NALCN: variants seen among roughly 807,000 people sequenced by gnomAD.
NALCN encodes the protein sodium leak channel NALCN.
A neutral mutation model predicts 225.3 loss-of-function variants in NALCN; 111 were observed. The ratio of observed to expected loss-of-function variants is 0.49; its 90% CI spans 0.42 to 0.58. The LOEUF (loss-of-function observed/expected upper bound fraction) is 0.58. NALCN is among the 20% of genes least tolerant of loss of function. The probability of loss-of-function intolerance (pLI) is 0.00; values close to 1 mark genes in which losing one functional copy is unlikely to be tolerated. For synonymous variants in NALCN, 764 were observed against 769.0 expected (o/e 0.99, Z 0.11); for missense variants, 1,378 against 2,202.4 (o/e 0.63, Z 7.49).
intron 15 of NALCN, among the ~76,000 whole-genome samples, chr13:101,162,590 A>T (rs575063202): frequency 6.6e-6 from 1 of 152,310 alleles, no homozygotes; most frequent in African/African-American, 2.4e-5. Context: ...TTGTAATTCA[A>T]CAACTGCCAG....
At chr13:101,347,156 C>A (rs544361568) in intron 6 of NALCN, among the ~76,000 whole-genome samples, 1 of 151,860 alleles carries the variant, frequency 6.6e-6, no homozygotes, top group Non-Finnish European at 1.5e-5. Flanking sequence ...CACACACACA[C>A]ACACACACAC....
chr13:101,190,392 A>G (rs971214626), intron 14 of NALCN, among the ~76,000 whole-genome samples: 11 of 152,330 alleles, frequency 7.2e-5, no homozygotes, highest in African/African-American at 2.6e-4. Flanking sequence ...TGTGTAAATG[A>G]ATGGATGAAT....
In NALCN at chr13:101,055,162, AAATC is replaced by A; in HGVS notation, c.*129_*132del. 1.3e-6 allele frequency: 1 copy of A among 754,262 alleles called. No individual in the cohort carries two copies. Among genetic ancestry groups the A allele is most frequent in the Non-Finnish European group, 2.1e-6 (1 of 478,678 alleles). The allele number at this position is 754,262 out of a possible 1,614,324, so 46.7% of individuals were successfully genotyped here. On this transcript the variant is annotated 3_prime_UTR_variant, in exon 44 of 44. Transcript: ENST00000251127. ...CTTATGCCTTTCTGTGGCAGGATGA[AAATC>A]AATTTATAAACATCTTGTGACAAGC...
rs74692199 is a variant in NALCN, at chr13:101,285,474, AT to A, written c.1048-1456del. 3.3e-3 allele frequency among the ~76,000 whole-genome samples: 477 copies of A among 146,522 alleles called. 1 individual carries two copies. Among genetic ancestry groups the A allele is most frequent in the African/African-American group, 9.6e-3 (384 of 40,148 alleles). Reference sequence around the variant, plus strand: ...GCCACAATGCCCAACTAATTTTTGTATTTTTTTTTTTACTAGACAGAGGGTT... The same window carrying A: ...GCCACAATGCCCAACTAATTTTTGTATTTTTTTTTTACTAGACAGAGGGTT... On this transcript the variant is annotated intron_variant, in intron 9 of 43. Coordinates refer to ENST00000251127, the MANE Select transcript of NALCN (RefSeq NM_052867.4).
At chr13:101,276,104 G>A (rs539661018) in intron 10 of NALCN, among the ~76,000 whole-genome samples, 1 of 141,852 alleles carries the variant, frequency 7.0e-6, no homozygotes, top group Admixed American at 7.2e-5. Flanking sequence ...GAACAGGCAC[G>A]AGGGGCCCCT....
At chr13:101,268,719 T>C (rs945911268) in intron 10 of NALCN, among the ~76,000 whole-genome samples, 5 of 152,176 alleles carry the variant, frequency 3.3e-5, no homozygotes, top group Non-Finnish European at 7.3e-5. Context: ...TAAGAAATAT[T>C]TAAAACAGAA....
chr13:101,082,827 G>A lies in NALCN; in HGVS notation c.3747C>T (p.Thr1249=). Residue 1249 remains threonine, a synonymous_variant, in exon 33 of 44, where the codon ACC becomes ACT. Transcript: ENST00000251127. ...ACAGTACCTCCAGAACAAAGATGAA[G>A]GTGAAAACAACTGACATTGTTGCCA... ...VPLATMSVVF[T]FIFVLEVTMK... 1 of 1,614,144 alleles carries A rather than the reference G, an allele frequency of 6.2e-7. No homozygotes were observed. Among genetic ancestry groups the A allele is most frequent in the Non-Finnish European group, 8.5e-7 (1 of 1,180,004 alleles).
chr13:101,177,409 G>GTA (rs10624930), intron 14 of NALCN, among the ~76,000 whole-genome samples: 26,301 of 124,008 alleles, frequency 0.21, 3,583 homozygotes, highest in East Asian at 0.27. Flanking sequence ...GTAAATACGA[G>GTA]TATATATATA....
chr13:101,312,319 A>T (rs2044376635), intron 7 of NALCN, among the ~76,000 whole-genome samples: 1 of 152,056 alleles, frequency 6.6e-6, no homozygotes, highest in Admixed American at 6.6e-5. Context: ...CAGCTCCTGG[A>T]TTCATTAATT....
At chr13:101,239,985 C>T (rs1255850546) in intron 11 of NALCN, among the ~76,000 whole-genome samples, 9 of 151,782 alleles carry the variant, frequency 5.9e-5, no homozygotes, top group Admixed American at 4.6e-4. Flanking sequence ...TGTTACTGTC[C>T]GTAACCTTGA....
chr13:101,225,373 A>C (rs987027435), intron 13 of NALCN, among the ~76,000 whole-genome samples: 12 of 152,196 alleles, frequency 7.9e-5, no homozygotes, highest in African/African-American at 2.6e-4. Context: ...AGTTCCTCCT[A>C]ATCAATCTTC....
At chr13:101,344,784 T>C (rs890801589) in intron 7 of NALCN, among the ~76,000 whole-genome samples, 1 of 152,208 alleles carries the variant, frequency 6.6e-6, no homozygotes, top group Non-Finnish European at 1.5e-5. Context: ...ACTTAGTTGA[T>C]GCATATTCAC....
At chr13:101,353,625 T>C (rs1594728729) in intron 6 of NALCN, among the ~76,000 whole-genome samples, 2 of 152,214 alleles carry the variant, frequency 1.3e-5, no homozygotes, top group African/African-American at 4.8e-5. Context: ...GGAAATAATA[T>C]TGACATCACA....
chr13:101,253,838 C>A (rs1333280200), intron 11 of NALCN, among the ~76,000 whole-genome samples: 1 of 151,830 alleles, frequency 6.6e-6, no homozygotes, highest in Admixed American at 6.6e-5. Context: ...CTACAAAAGG[C>A]AAAATGTTTA....
At chr13:101,231,427 T>A (rs1476674433) in intron 12 of NALCN, among the ~76,000 whole-genome samples, 1 of 152,174 alleles carries the variant, frequency 6.6e-6, no homozygotes, top group African/African-American at 2.4e-5. Context: ...ATTTATATGA[T>A]TAGTATGTAT....
chr13:101,163,810 T>C (rs9513862), intron 15 of NALCN, among the ~76,000 whole-genome samples: 33,488 of 151,964 alleles, frequency 0.22, 4,600 homozygotes, highest in Non-Finnish European at 0.31. Context: ...AACAGAAATG[T>C]ATTGTCTCAT....
rs903820629 is a variant in NALCN, at chr13:101,292,008, G to A, written c.1029C>T (p.Thr343=). 6.2e-7 allele frequency: 1 copy of A among 1,614,030 alleles called. No homozygotes were observed. Among genetic ancestry groups the A allele is most frequent in the Admixed American group, 1.7e-5 (1 of 59,948 alleles). ...AGCGTACCTGGGTGGTGGCTGTTGAGGTAGTGCTGCTTCTCGATCCCCACA... is the reference window on the plus strand; with the variant it reads ...AGCGTACCTGGGTGGTGGCTGTTGAAGTAGTGCTGCTTCTCGATCCCCACA... ...QQMWGSRSST[T]STATTQMFHE... The change falls in exon 9 of 44, where the codon ACC becomes ACT. Residue 343 remains threonine, a synonymous_variant. Transcript: ENST00000251127. The surrounding 1 kb of genome is among the most constrained non-coding windows in gnomAD (Gnocchi z 4.3).
Position 101,232,591 on chromosome 13 carries a change from G to A in NALCN, c.1435-3007C>T, listed in dbSNP as rs150212061. 8.4e-3 allele frequency among the ~76,000 whole-genome samples: 1,269 copies of A among 151,546 alleles called. 12 individuals carry two copies. Among genetic ancestry groups the A allele is most frequent in the African/African-American group, 0.017 (686 of 41,322 alleles). Reference sequence around the variant, plus strand: ...CTCCCGAGTAGCTGGGACTACAGGCGCCCACCACCACACCCAGCTAATTTT... The same window carrying A: ...CTCCCGAGTAGCTGGGACTACAGGCACCCACCACCACACCCAGCTAATTTT... On this transcript the variant is annotated intron_variant, in intron 12 of 43. Coordinates refer to ENST00000251127, the MANE Select transcript of NALCN (RefSeq NM_052867.4).
intron 40 of NALCN, among the ~76,000 whole-genome samples, chr13:101,062,653 G>GA: frequency 6.6e-6 from 1 of 152,188 alleles, no homozygotes; most frequent in South Asian, 2.1e-4. Context: ...GACCAGGCTG[G>GA]AGTGTAATGG....
Sources: gnomAD v4.1 joint callset for allele counts (sites outside exome capture counted in the v4.1 genomes callset) on GRCh38, gnomAD v4.1.1 for gene constraint, Gnocchi (gnomAD v3.1) non-coding constraint, MANE v1.5 for transcripts, NCBI Gene and HGNC (gene_info 2026-07-23, HGNC 2026-07-21) for gene names.